AAGAB: variants seen among roughly 807,000 people sequenced by gnomAD.
AAGAB encodes the protein alpha and gamma adaptin binding protein, also known as alpha- and gamma-adaptin-binding protein p34.
In AAGAB, 38 loss-of-function variants were observed where a neutral mutation model predicts 44.1. That is an observed-to-expected ratio of 0.86 (90% CI 0.67 to 1.13). The LOEUF is 1.13. Ranked by LOEUF, AAGAB falls within the 50% of genes most tolerant of loss-of-function variation. AAGAB has a pLI of 0.00. For synonymous variants in AAGAB, 131 were observed against 131.8 expected (o/e 0.99, Z 0.04); for missense variants, 450 against 373.8 (o/e 1.20, Z -1.68).
chr15:67,243,354 T>C (rs1426093137), intron 1 of AAGAB, among the ~76,000 whole-genome samples: 2 of 152,192 alleles, frequency 1.3e-5, no homozygotes, highest in Non-Finnish European at 2.9e-5. Flanking sequence ...TAGTGTCACA[T>C]CTGATGGACA....
chr15:67,203,880 A>G (rs1231276833), intron 8 of AAGAB, among the ~76,000 whole-genome samples, 164 bp downstream of exon 8: 1 of 151,920 alleles, frequency 6.6e-6, no homozygotes, highest in African/African-American at 2.4e-5. Context: ...AATTTTCCCC[A>G]GGGAATTTTT....
intron 5 of AAGAB, among the ~76,000 whole-genome samples, chr15:67,214,615 G>A (rs1963898652): frequency 6.6e-6 from 1 of 151,998 alleles, no homozygotes; most frequent in Non-Finnish European, 1.5e-5. Context: ...GGAAAATTCT[G>A]GCTAAAATCC....
intron 1 of AAGAB, among the ~76,000 whole-genome samples, chr15:67,238,098 G>A (rs1055389280): frequency 4.6e-5 from 7 of 151,858 alleles, no homozygotes; most frequent in Admixed American, 2.0e-4. Context: ...ATAAAAGGTC[G>A]GCCCTTTTTT....
intron 1 of AAGAB, among the ~76,000 whole-genome samples, chr15:67,249,753 C>G (rs1040068283): frequency 6.6e-6 from 1 of 152,214 alleles, no homozygotes; most frequent in African/African-American, 2.4e-5. Context: ...TACATTCACA[C>G]ATTCCTATGC....
intron 1 of AAGAB, among the ~76,000 whole-genome samples, chr15:67,240,434 CA>C (rs1964568795): frequency 6.6e-6 from 1 of 152,168 alleles, no homozygotes; most frequent in Non-Finnish European, 1.5e-5. Flanking sequence ...ACACTGTTGG[CA>C]GCCACCTGGT....
intron 1 of AAGAB, among the ~76,000 whole-genome samples, chr15:67,251,904 A>G (rs1452787787): frequency 6.6e-6 from 1 of 152,198 alleles, no homozygotes; most frequent in Non-Finnish European, 1.5e-5. Flanking sequence ...CTGCTACCCT[A>G]TTCACAACCT....
intron 1 of AAGAB, among the ~76,000 whole-genome samples, chr15:67,237,662 C>G (rs1964502627): frequency 6.6e-6 from 1 of 152,098 alleles, no homozygotes; most frequent in African/African-American, 2.4e-5. Flanking sequence ...AGAAGTTGTT[C>G]CAACCTAAAC....
intron 8 of AAGAB, among the ~76,000 whole-genome samples, 195 bp downstream of exon 8, chr15:67,203,845 AAAAG>A (rs1414786078): frequency 1.3e-5 from 2 of 152,236 alleles, no homozygotes; most frequent in Non-Finnish European, 2.9e-5. Context: ...AGGAAAAGTA[AAAAG>A]AAAGAGAACG....
chr15:67,226,873 G>A, intron 5 of AAGAB: 1 of 246,730 alleles, frequency 4.1e-6, no homozygotes, highest in South Asian at 4.1e-5. Context: ...AGGAAGGAAT[G>A]CAATTCATCT....
chr15:67,240,169 C>T (rs1044852746), intron 1 of AAGAB, among the ~76,000 whole-genome samples: 11 of 152,196 alleles, frequency 7.2e-5, no homozygotes, highest in African/African-American at 2.2e-4. Context: ...CAATTATATA[C>T]GGATCTGCAG....
intron 1 of AAGAB, among the ~76,000 whole-genome samples, chr15:67,247,506 G>A (rs1379992387): frequency 6.6e-6 from 1 of 152,160 alleles, no homozygotes; most frequent in Non-Finnish European, 1.5e-5. Context: ...AACATGCTCA[G>A]AACCCTCCAG....
chr15:67,221,399 TG>T (rs1251608267), intron 5 of AAGAB, among the ~76,000 whole-genome samples: 2 of 152,364 alleles, frequency 1.3e-5, no homozygotes, highest in Non-Finnish European at 1.5e-5. Flanking sequence ...AAACAGTTCT[TG>T]GATTTCTCTA....
Position 67,202,109 on chromosome 15 carries a change from TTCTC to T in AAGAB, c.*708_*711del, listed in dbSNP as rs1299021654. 1.3e-5 allele frequency: 2 copies of T among 152,308 alleles called. No individual in the cohort carries two copies. The highest frequency in any genetic ancestry group is 4.8e-5 in the African/African-American group (2 of 41,422). 9.4% of individuals were successfully genotyped at this position (152,308 alleles called of 1,614,324 possible). ...TGGCCCATACAAGGACTCCTTAAGG[TTCTC>T]TCTAACATACAACATATCCCCCACA... is the stretch of plus-strand genomic sequence containing the variant. On this transcript the variant is annotated 3_prime_UTR_variant, in exon 10 of 10. Transcript: ENST00000261880.
chr15:67,211,888 T>TC, intron 5 of AAGAB, among the ~76,000 whole-genome samples: 1 of 151,884 alleles, frequency 6.6e-6, no homozygotes, highest in East Asian at 1.9e-4. Context: ...CCTAATTCTT[T>TC]TTTTTTTTTG....
chr15:67,216,792 G>A (rs1005055774), intron 5 of AAGAB, among the ~76,000 whole-genome samples: 2 of 151,696 alleles, frequency 1.3e-5, no homozygotes, highest in Admixed American at 6.6e-5. Flanking sequence ...GATGACTTAA[G>A]TGGTTCATAC....
intron 5 of AAGAB, among the ~76,000 whole-genome samples, chr15:67,221,980 A>C (rs1215655673): frequency 1.3e-5 from 2 of 151,728 alleles, no homozygotes; most frequent in Non-Finnish European, 2.9e-5. Flanking sequence ...TGCATCACCT[A>C]TTTTTCCAAG....
At position 67,208,609 on chromosome 15, in the gene AAGAB, C is replaced by G. The variant is rs201284578; in HGVS notation, c.668G>C (p.Arg223Pro). Residue 223 changes from arginine to proline, a missense_variant, in exon 7 of 10, where the codon CGG becomes CCG. Arg to Pro is a moderately radical substitution (Grantham distance 103). Coordinates refer to ENST00000261880, the MANE Select transcript of AAGAB (RefSeq NM_024666.5). ...ADSTESLSDHRGGASNTTDAQ... is the reference protein window; with the variant it reads ...ADSTESLSDHPGGASNTTDAQ... ...ATCTGTTGTGTTAGATGCACCACCC[C>G]GATGATCAGAGAGGGATTCAGTACT... is the stretch of plus-strand genomic sequence containing the variant. The G allele has an allele frequency of 1.9e-5, 31 of 1,614,028 alleles. No homozygotes were observed. The highest frequency in any genetic ancestry group is 1.2e-4 in the Admixed American group (7 of 59,984).
At position 67,236,612 on chromosome 15, in the gene AAGAB, T is replaced by C. The variant is rs201761651; in HGVS notation, c.264+18A>G. 7.0e-4 allele frequency: 1,128 copies of C among 1,609,792 alleles called. No homozygotes were observed. Among genetic ancestry groups the C allele is most frequent in the Non-Finnish European group, 9.2e-4 (1,084 of 1,177,820 alleles). On this transcript the variant is annotated intron_variant, in intron 2 of 9. Coordinates refer to ENST00000261880, the MANE Select transcript of AAGAB (RefSeq NM_024666.5). ...CAATAATTTCTTATTCAAGCCTTCATAGAAAACAAAGTCTTACTTGTGTGC... is the reference window on the plus strand; with the variant it reads ...CAATAATTTCTTATTCAAGCCTTCACAGAAAACAAAGTCTTACTTGTGTGC...
intron 1 of AAGAB, among the ~76,000 whole-genome samples, chr15:67,252,778 GC>G (rs1402307721): frequency 6.6e-6 from 1 of 152,152 alleles, no homozygotes; most frequent in African/African-American, 2.4e-5. Flanking sequence ...CTATAATTAA[GC>G]TTTTACCCTA....
Sources: allele counts gnomAD v4.1 joint callset (sites outside exome capture counted in the v4.1 genomes callset), GRCh38; gene constraint gnomAD v4.1.1; transcripts MANE v1.5; gene names NCBI Gene and HGNC (gene_info 2026-07-23, HGNC 2026-07-21).